The following MIAT variants were observed in gnomAD, a reference collection of about 807,000 sequenced individuals.
MIAT encodes MI related novel mRNA.
exon 6 of MIAT, chr22:26,668,435 T>A: frequency 2.5e-6 from 1 of 398,802 alleles, no homozygotes; most frequent in Non-Finnish European, 4.4e-6. Flanking sequence ...CACTACTCCC[T>A]CCTCACCTGC....
exon 6 of MIAT, chr22:26,668,463 G>A: frequency 2.5e-6 from 1 of 398,822 alleles, no homozygotes. Context: ...CTGCCTGCTG[G>A]GCCCTATTGT....
chr22:26,667,349 T>TGTGTGTGTGC (rs957886308), intron 5 of MIAT: 3 of 387,370 alleles, frequency 7.7e-6, no homozygotes, highest in Admixed American at 4.6e-5. Flanking sequence ...TGTGTGTGTG[T>TGTGTGTGTGC]GTGTGCGTGT....
exon 5 of MIAT, chr22:26,676,249 C>G (rs1931261509): frequency 5.0e-6 from 2 of 397,128 alleles, no homozygotes; most frequent in Non-Finnish European, 4.4e-6. Context: ...GAGAGTCTAT[C>G]CAGGGACCCA....
At chr22:26,666,677 C>A (rs937625338) in exon 4 of MIAT, 2 of 398,502 alleles carry the variant, frequency 5.0e-6, no homozygotes, top group Admixed American at 4.4e-5. Context: ...ACCCTTCTCC[C>A]CTCACCTTTT....
At chr22:26,673,043 C>G (rs917894646), downstream of MIAT, 27 of 398,598 alleles carry the variant, frequency 6.8e-5, 1 homozygote, top group South Asian at 6.4e-4. Context: ...GTCCCATTCC[C>G]GGAAGCTAGA....
At chr22:26,659,117 T>C (rs1930563937) in intron 2 of MIAT, among the ~76,000 whole-genome samples, 1 of 152,110 alleles carries the variant, frequency 6.6e-6, no homozygotes, top group Admixed American at 6.5e-5. Flanking sequence ...GGGGTGGGGC[T>C]GGGTATCTGA....
In MIAT at chr22:26,666,660, C is replaced by T. The variant is rs1930853437; in HGVS notation, n.1859C>T. On this transcript the variant is annotated non_coding_transcript_exon_variant, in exon 4 of 6. Coordinates refer to ENST00000643270, the Ensembl canonical transcript of MIAT. ...GGAAACAGGGAGTGAGTGAAGGGAACCTGGGAACCCTTCTCCCCTCACCTT... is the reference window on the plus strand; with the variant it reads ...GGAAACAGGGAGTGAGTGAAGGGAATCTGGGAACCCTTCTCCCCTCACCTT... 1.8e-5 allele frequency: 7 copies of T among 398,620 alleles called. No individual in the cohort carries two copies. The East Asian group carries it at 2.5e-4, about 14-fold the overall frequency. 24.7% of individuals were successfully genotyped at this position (398,620 alleles called of 1,614,324 possible). A position where few individuals can be genotyped will look rare whatever the true frequency, so the allele number is the denominator to read the frequency against.
intron 3 of MIAT, among the ~76,000 whole-genome samples, chr22:26,663,760 C>G (rs73163286): frequency 0.033 from 4,945 of 152,128 alleles, 116 homozygotes; most frequent in Non-Finnish European, 0.049. Context: ...AGGAAATGCA[C>G]CCGTTTAAAG....
intron 2 of MIAT, chr22:26,658,481 G>A (rs1301012886): frequency 6.6e-6 from 1 of 152,342 alleles, no homozygotes; most frequent in African/African-American, 2.4e-5. Context: ...AAGGGTCTGA[G>A]GAGATCCCGC....
chr22:26,653,098 C>T (rs561063735), intron 2 of MIAT, among the ~76,000 whole-genome samples: 10 of 152,248 alleles, frequency 6.6e-5, no homozygotes, highest in Admixed American at 3.3e-4. Context: ...TCCAACCCTC[C>T]GTAGGGAAAT....
At chr22:26,672,264 G>C (rs2146020351), downstream of MIAT, 2 of 399,090 alleles carry the variant, frequency 5.0e-6, no homozygotes, top group East Asian at 7.1e-5. Context: ...CCGGGGGCTG[G>C]TCCCCCTCCT....
intron 2 of MIAT, among the ~76,000 whole-genome samples, chr22:26,652,281 G>T (rs1056198131): frequency 5.9e-5 from 9 of 152,150 alleles, no homozygotes; most frequent in African/African-American, 2.2e-4. Context: ...CAAAGCGTTG[G>T]AATTACAGGT....
chr22:26,668,070 C>T (rs1186379632), intron 5 of MIAT: 10 of 397,682 alleles, frequency 2.5e-5, no homozygotes, highest in South Asian at 1.4e-4. Flanking sequence ...AACATGAGTC[C>T]CCTCAGATGC....
intron 2 of MIAT, among the ~76,000 whole-genome samples, chr22:26,652,186 C>A (rs903918916): frequency 6.6e-6 from 1 of 151,954 alleles, no homozygotes; most frequent in Non-Finnish European, 1.5e-5. Flanking sequence ...TGTAGAGATG[C>A]GGTGGAGCCG....
At chr22:26,652,630 A>G (rs1930356373) in intron 2 of MIAT, among the ~76,000 whole-genome samples, 1 of 152,146 alleles carries the variant, frequency 6.6e-6, no homozygotes, top group Non-Finnish European at 1.5e-5. Flanking sequence ...TGCTAGGATT[A>G]CAGGCATGAG....
At chr22:26,652,883 G>A (rs1930361837) in intron 2 of MIAT, among the ~76,000 whole-genome samples, 1 of 152,100 alleles carries the variant, frequency 6.6e-6, no homozygotes, top group African/African-American at 2.4e-5. Context: ...TGTCTCTTTG[G>A]GGTACTCTTA....
intron 2 of MIAT, among the ~76,000 whole-genome samples, chr22:26,659,388 T>A (rs1930575056): frequency 6.6e-6 from 1 of 152,240 alleles, no homozygotes; most frequent in African/African-American, 2.4e-5. Flanking sequence ...TATTTAGTGA[T>A]CCTTGCCATT....
chr22:26,651,015 G>A (rs1198602297), intron 2 of MIAT, among the ~76,000 whole-genome samples: 1 of 152,096 alleles, frequency 6.6e-6, no homozygotes, highest in African/African-American at 2.4e-5. Context: ...AAAGTCTTCT[G>A]GCAAGTAAGT....
At chr22:26,667,333 AGTGTGT>A (rs61442362) in intron 5 of MIAT, 62,905 of 390,832 alleles carry the variant, frequency 0.16, 4,914 homozygotes, top group East Asian at 0.38. Flanking sequence ...TCCTGGGAGC[AGTGTGT>A]GTGTGTGTGT....
Sources: allele counts gnomAD v4.1 joint callset (sites outside exome capture counted in the v4.1 genomes callset), GRCh38; gene constraint gnomAD v4.1.1; transcripts MANE v1.5; gene names NCBI Gene and HGNC (gene_info 2026-07-23, HGNC 2026-07-21).